The following CACNA2D1 variants were observed in gnomAD, a reference collection of about 807,000 sequenced individuals.
CACNA2D1 encodes voltage-dependent calcium channel subunit alpha-2/delta-1.
CACNA2D1 carries 53 observed loss-of-function variants against 171.5 expected under a neutral mutation model. The observed-to-expected ratio is 0.31, with a 90% CI of 0.25 to 0.39. The LOEUF (loss-of-function observed/expected upper bound fraction) is 0.39. Ranked by LOEUF, CACNA2D1 falls within the 10% of genes least tolerant of loss-of-function variation. The probability of loss-of-function intolerance (pLI) is 1.00; values close to 1 mark genes in which losing one functional copy is unlikely to be tolerated. For missense variants in CACNA2D1, 903 were observed against 1,299.8 expected (o/e 0.69, Z 4.69); for synonymous variants, 442 against 443.1 (o/e 1.00, Z 0.03).
intron 18 of CACNA2D1, among the ~76,000 whole-genome samples, chr7:82,000,263 A>T (rs1266385732): frequency 4.6e-5 from 7 of 152,108 alleles, no homozygotes; most frequent in South Asian, 2.1e-4. Context: ...TCTCAGAAAA[A>T]AAATAAATAA....
intron 31 of CACNA2D1, 66 bp from the exon 32 acceptor site, chr7:81,965,731 C>T (rs994834936): frequency 1.1e-6 from 1 of 886,072 alleles, no homozygotes; most frequent in African/African-American, 1.6e-5. Flanking sequence ...TGTCTTTACC[C>T]CATTATATAC....
At chr7:82,045,577 T>C (rs1038839967) in intron 10 of CACNA2D1, among the ~76,000 whole-genome samples, 1 of 152,190 alleles carries the variant, frequency 6.6e-6, no homozygotes, top group Non-Finnish European at 1.5e-5. Context: ...AAATTTCCCA[T>C]TTATGATACA....
chr7:82,304,858 GAA>G (rs1813515881), intron 3 of CACNA2D1, among the ~76,000 whole-genome samples: 1 of 152,110 alleles, frequency 6.6e-6, no homozygotes, highest in African/African-American at 2.4e-5. Flanking sequence ...GAAATAGCTA[GAA>G]GAGAGGACTT....
At chr7:82,257,979 G>A (rs1806502102) in intron 3 of CACNA2D1, among the ~76,000 whole-genome samples, 1 of 152,138 alleles carries the variant, frequency 6.6e-6, no homozygotes, top group African/African-American at 2.4e-5. Context: ...TAGAAGCAGT[G>A]ATTGCTGGTG....
At chr7:82,222,288 C>T (rs78846194) in intron 3 of CACNA2D1, among the ~76,000 whole-genome samples, 6,867 of 152,222 alleles carry the variant, frequency 0.045, 187 homozygotes, top group Middle Eastern at 0.085. Flanking sequence ...GGATAAAATG[C>T]CCAGAAGCTG....
chr7:82,392,296 C>T (rs1825206189), intron 1 of CACNA2D1, among the ~76,000 whole-genome samples: 1 of 152,096 alleles, frequency 6.6e-6, no homozygotes, highest in Non-Finnish European at 1.5e-5. Context: ...CAGACCCAGC[C>T]ACACTGAGAG....
At chr7:82,079,295 A>C (rs1359122819) in intron 7 of CACNA2D1, among the ~76,000 whole-genome samples, 1 of 152,198 alleles carries the variant, frequency 6.6e-6, no homozygotes, top group Non-Finnish European at 1.5e-5. Context: ...GCTGAGGTCA[A>C]TGAGGACTTT....
intron 3 of CACNA2D1, among the ~76,000 whole-genome samples, chr7:82,185,648 A>C (rs1437818098): frequency 6.6e-6 from 1 of 151,268 alleles, no homozygotes; most frequent in Non-Finnish European, 1.5e-5. Flanking sequence ...TCTTCTGGAG[A>C]ATTTCGTGAT....
At position 82,260,945 on chromosome 7, in the gene CACNA2D1, T is replaced by C. The variant is rs190711930; in HGVS notation, c.294+74190A>G. On this transcript the variant is annotated intron_variant, in intron 3 of 38. Transcript: ENST00000356860. ...TAAAATAAAATATGTCCAAAATACA[T>C]TGGACCACCTTTTTTTTTTTTCTTC... 1.1e-4 allele frequency among the ~76,000 whole-genome samples: 17 copies of C among 151,926 alleles called. No individual in the cohort carries two copies. In the East Asian group the frequency reaches 2.9e-3, roughly 26 times the overall value.
At chr7:82,125,911 A>G (rs1225433196) in intron 5 of CACNA2D1, among the ~76,000 whole-genome samples, 1 of 152,200 alleles carries the variant, frequency 6.6e-6, no homozygotes, top group Non-Finnish European at 1.5e-5. Flanking sequence ...ATGCCCTTTC[A>G]TTATTAACAC....
At chr7:82,137,835 G>A (rs975313513) in intron 4 of CACNA2D1, among the ~76,000 whole-genome samples, 6 of 151,608 alleles carry the variant, frequency 4.0e-5, no homozygotes, top group Admixed American at 1.3e-4. Context: ...AGCTGAGATC[G>A]CGCGACAGAG....
chr7:82,136,280 T>TG (rs1002718519), intron 5 of CACNA2D1, among the ~76,000 whole-genome samples: 9 of 152,086 alleles, frequency 5.9e-5, no homozygotes, highest in Non-Finnish European at 1.0e-4. Context: ...CAGATAGGCG[T>TG]GGTGACCCTG....
intron 4 of CACNA2D1, among the ~76,000 whole-genome samples, chr7:82,156,680 A>AT (rs1423824922): frequency 2.1e-5 from 3 of 140,942 alleles, no homozygotes; most frequent in Admixed American, 1.5e-4. Context: ...AATATCAAGT[A>AT]TAATCAAGAT....
At chr7:82,241,726 G>C (rs1005569638) in intron 3 of CACNA2D1, among the ~76,000 whole-genome samples, 2 of 152,036 alleles carry the variant, frequency 1.3e-5, no homozygotes, top group Admixed American at 1.3e-4. Context: ...TAGGTCAGAA[G>C]GGTTAATTCT....
intron 18 of CACNA2D1, among the ~76,000 whole-genome samples, chr7:82,000,561 C>T (rs577339417): frequency 3.3e-5 from 5 of 151,870 alleles, no homozygotes; most frequent in East Asian, 3.9e-4. Flanking sequence ...CTCTTAATAA[C>T]ATATTACCTC....
intron 4 of CACNA2D1, among the ~76,000 whole-genome samples, chr7:82,155,792 GAAGA>G (rs1256174565): frequency 6.6e-6 from 1 of 152,168 alleles, no homozygotes; most frequent in African/African-American, 2.4e-5. Context: ...TCATCAGCAT[GAAGA>G]AAGAGTATAA....
At chr7:81,986,806 G>A (rs910975603) in intron 21 of CACNA2D1, among the ~76,000 whole-genome samples, 6 of 152,088 alleles carry the variant, frequency 3.9e-5, no homozygotes, top group Non-Finnish European at 1.5e-5. Flanking sequence ...AAAATAAGCA[G>A]TGCAATCACT....
At chr7:82,302,153 C>T (rs545646641) in intron 3 of CACNA2D1, among the ~76,000 whole-genome samples, 1 of 152,246 alleles carries the variant, frequency 6.6e-6, no homozygotes, top group East Asian at 1.9e-4. Flanking sequence ...ACAAAATCTA[C>T]ATATAACTGT....
chr7:82,239,206 C>A (rs370951647), intron 3 of CACNA2D1, among the ~76,000 whole-genome samples: 1 of 151,888 alleles, frequency 6.6e-6, no homozygotes, highest in East Asian at 1.9e-4. Context: ...TGAATCAGTA[C>A]GCTCATTGGT....
Sources: allele counts gnomAD v4.1 joint callset (sites outside exome capture counted in the v4.1 genomes callset), GRCh38; gene constraint gnomAD v4.1.1; transcripts MANE v1.5; gene names NCBI Gene and HGNC (gene_info 2026-07-23, HGNC 2026-07-21).